The following AK7 variants were observed in gnomAD, a reference collection of about 807,000 sequenced individuals.
AK7 encodes the protein ATP-AMP transphosphorylase 7.
AK7 carries 78 observed loss-of-function variants against 96.6 expected under a neutral mutation model. The observed-to-expected ratio is 0.81, with a 90% CI of 0.67 to 0.97. AK7 has a LOEUF of 0.97. Ranked by LOEUF, AK7 falls within the 50% of genes least tolerant of loss-of-function variation. The pLI, the probability that AK7 is intolerant of heterozygous loss-of-function variation, is 0.00. For missense variants in AK7, 855 were observed against 887.9 expected (o/e 0.96, Z 0.47); for synonymous variants, 302 against 317.2 (o/e 0.95, Z 0.51).
At chr14:96,421,731 G>C (rs1021117103) in intron 5 of AK7, among the ~76,000 whole-genome samples, 1 of 151,038 alleles carries the variant, frequency 6.6e-6, no homozygotes. Flanking sequence ...TCAGCCTCCC[G>C]GGTAGCTGGG....
chr14:96,443,774 C>A (rs1299139465), intron 7 of AK7, among the ~76,000 whole-genome samples: 2 of 72,106 alleles, frequency 2.8e-5, no homozygotes, highest in Admixed American at 1.6e-4. Context: ...ACAAAAAAAA[C>A]TCATAATTTT....
At chr14:96,414,718 A>T (rs147927721) in intron 4 of AK7, among the ~76,000 whole-genome samples, 234 of 151,796 alleles carry the variant, frequency 1.5e-3, no homozygotes, top group African/African-American at 5.1e-3. Flanking sequence ...GAAACAGGCC[A>T]AGAAGACGGA....
chr14:96,430,745 G>A (rs1284058958), intron 5 of AK7, among the ~76,000 whole-genome samples: 2 of 152,082 alleles, frequency 1.3e-5, no homozygotes, highest in Non-Finnish European at 2.9e-5. Flanking sequence ...TGTTTTTGTT[G>A]TGTCTCTGCC....
At chr14:96,482,977 A>T in intron 15 of AK7, 22 bp from the exon 16 acceptor site, 1 of 1,611,976 alleles carries the variant, frequency 6.2e-7, no homozygotes. Flanking sequence ...GTATGTGTTG[A>T]TCTCTCTCCT....
chr14:96,422,098 AAGTTT>A (rs1179093237), intron 5 of AK7, among the ~76,000 whole-genome samples: 1 of 152,166 alleles, frequency 6.6e-6, no homozygotes. Flanking sequence ...ATTTATTATT[AAGTTT>A]AGTGAGGGCA....
At chr14:96,414,995 C>T (rs146958472) in intron 4 of AK7, among the ~76,000 whole-genome samples, 2 of 151,864 alleles carry the variant, frequency 1.3e-5, no homozygotes, top group Non-Finnish European at 2.9e-5. Context: ...GCTCAATTAA[C>T]CCACCTGCCT....
chr14:96,411,738 GT>G (rs2140012844), intron 4 of AK7, among the ~76,000 whole-genome samples: 1 of 152,280 alleles, frequency 6.6e-6, no homozygotes, highest in Non-Finnish European at 1.5e-5. Flanking sequence ...AAACAAACAA[GT>G]TTGTCCCCAA....
intron 5 of AK7, among the ~76,000 whole-genome samples, chr14:96,428,326 G>A (rs1399530411): frequency 6.6e-6 from 1 of 152,138 alleles, no homozygotes; most frequent in Non-Finnish European, 1.5e-5. Context: ...GTATTCCATG[G>A]TGTATATGTG....
chr14:96,432,799 A>G (rs1456477860), intron 5 of AK7, among the ~76,000 whole-genome samples: 1 of 150,466 alleles, frequency 6.6e-6, no homozygotes, highest in Non-Finnish European at 1.5e-5. Context: ...CCTGGCTAAC[A>G]CAGTGAAACC....
At position 96,446,611 on chromosome 14, in the gene AK7, C is replaced by T. The variant is rs758678953; in HGVS notation, c.870+4C>T. On this transcript the variant is annotated splice_donor_region_variant and intron_variant, in intron 8 of 17. Transcript: ENST00000267584. ...TACCCTGGAAGACATAGTCAAGGTA[C>T]AGTGGTTTCATCCCATACTTTGATG... is the stretch of plus-strand genomic sequence containing the variant. The T allele has an allele frequency of 1.9e-6, 3 of 1,612,688 alleles. No individual in the cohort carries two copies. Among genetic ancestry groups the T allele is most frequent in the Admixed American group, 3.3e-5 (2 of 60,014 alleles).
At chr14:96,453,376 G>A (rs1893716341) in intron 10 of AK7, among the ~76,000 whole-genome samples, 1 of 152,132 alleles carries the variant, frequency 6.6e-6, no homozygotes, top group Non-Finnish European at 1.5e-5. Flanking sequence ...TATGATAGAA[G>A]GAATAGTATA....
At chr14:96,463,030 G>A (rs1336131603) in intron 12 of AK7, among the ~76,000 whole-genome samples, 9 of 152,014 alleles carry the variant, frequency 5.9e-5, no homozygotes, top group East Asian at 3.9e-4. Flanking sequence ...CCAGCTACTC[G>A]GAAGGCTGAG....
At chr14:96,473,685 T>A (rs1895028013) in intron 14 of AK7, among the ~76,000 whole-genome samples, 1 of 152,074 alleles carries the variant, frequency 6.6e-6, no homozygotes. Context: ...ATTGCTGAAA[T>A]GAATAGAAAT....
At chr14:96,395,800 ATTTTTTTTTTTTT>A (rs1172936912) in intron 1 of AK7, among the ~76,000 whole-genome samples, 95 of 69,038 alleles carry the variant, frequency 1.4e-3, no homozygotes, top group African/African-American at 5.4e-3. Context: ...TTGATTTTGA[ATTTTTTTTTTTTT>A]TTTTTTTTTT....
At chr14:96,424,067 T>G (rs1891872804) in intron 5 of AK7, 1 of 719,464 alleles carries the variant, frequency 1.4e-6, no homozygotes, top group African/African-American at 1.7e-5. Flanking sequence ...GAAATGCTGG[T>G]GGGTCTGTTC....
At chr14:96,432,434 G>A (rs1447529499) in intron 5 of AK7, among the ~76,000 whole-genome samples, 1 of 152,082 alleles carries the variant, frequency 6.6e-6, no homozygotes, top group Non-Finnish European at 1.5e-5. Context: ...TCATTATGAT[G>A]TTAGCTGGTT....
At chr14:96,438,103 A>C (rs558826110) in intron 6 of AK7, among the ~76,000 whole-genome samples, 188 bp downstream of exon 6, 1 of 152,336 alleles carries the variant, frequency 6.6e-6, no homozygotes, top group African/African-American at 2.4e-5. Context: ...CACCACTCTC[A>C]AAATAATAAT....
chr14:96,457,299 G>A (rs1050940430), intron 11 of AK7, among the ~76,000 whole-genome samples: 15 of 152,064 alleles, frequency 9.9e-5, no homozygotes, highest in Admixed American at 9.2e-4. Flanking sequence ...GAGCTCAGGT[G>A]ATCCGCCCGC....
chr14:96,466,009 C>CAAAAAAA (rs528356355), intron 12 of AK7, among the ~76,000 whole-genome samples: 1 of 107,816 alleles, frequency 9.3e-6, no homozygotes, highest in African/African-American at 3.4e-5. Context: ...GACTCCATCT[C>CAAAAAAA]AAAAAAAAAA....
Sources: allele counts gnomAD v4.1 joint callset (sites outside exome capture counted in the v4.1 genomes callset), GRCh38; gene constraint gnomAD v4.1.1; transcripts MANE v1.5; gene names NCBI Gene and HGNC (gene_info 2026-07-23, HGNC 2026-07-21).